COL25A1: variants seen among roughly 807,000 people sequenced by gnomAD.
COL25A1 encodes the protein collagen alpha-1(XXV) chain.
Under a neutral mutation model 128.4 loss-of-function variants are expected in COL25A1, and 103 were observed. The observed-to-expected ratio is 0.80, with a 90% confidence interval of 0.68 to 0.94. The LOEUF (loss-of-function observed/expected upper bound fraction) is 0.94, where lower values mean the gene tolerates loss of function less well. Ranked by LOEUF, COL25A1 falls within the 40% of genes least tolerant of loss-of-function variation. The pLI, the probability that COL25A1 is intolerant of heterozygous loss-of-function variation, is 0.00. For missense variants in COL25A1, 745 were observed against 840.0 expected (o/e 0.89, Z 1.40); for synonymous variants, 279 against 277.2 (o/e 1.01, Z -0.06).
chr4:109,240,719 G>A (rs10015317), intron 3 of COL25A1, among the ~76,000 whole-genome samples: 1 of 151,966 alleles, frequency 6.6e-6, no homozygotes, highest in Non-Finnish European at 1.5e-5. Flanking sequence ...GAGTTCAAAC[G>A]CTGATGCTGT....
chr4:108,968,298 T>C (rs1751544195), intron 8 of COL25A1, among the ~76,000 whole-genome samples: 1 of 152,308 alleles, frequency 6.6e-6, no homozygotes, highest in East Asian at 1.9e-4. Context: ...ATCAACTGTA[T>C]TCAAAGACGG....
intron 5 of COL25A1, among the ~76,000 whole-genome samples, chr4:109,046,502 C>A (rs1430972905): frequency 1.3e-5 from 2 of 152,186 alleles, no homozygotes; most frequent in African/African-American, 2.4e-5. Context: ...TCTACTCCAG[C>A]CGTAACCTCA....
chr4:108,866,922 A>C (rs1738002958), intron 20 of COL25A1, among the ~76,000 whole-genome samples: 1 of 152,216 alleles, frequency 6.6e-6, no homozygotes, highest in Non-Finnish European at 1.5e-5. Flanking sequence ...ATGTTAGTAA[A>C]ATGAATTTCC....
intron 3 of COL25A1, among the ~76,000 whole-genome samples, chr4:109,137,876 G>C (rs2704097): frequency 0.62 from 94,140 of 151,804 alleles, 29,785 homozygotes; most frequent in East Asian, 0.75. Context: ...AAAGAAGAAG[G>C]CATGAAGTTG....
At chr4:109,278,090 A>G (rs1578620803) in intron 3 of COL25A1, among the ~76,000 whole-genome samples, 1 of 151,708 alleles carries the variant, frequency 6.6e-6, no homozygotes, top group Admixed American at 6.6e-5. Context: ...AGCCGAGATC[A>G]CACCACTGCA....
chr4:108,837,075 T>G (rs1733899360), intron 31 of COL25A1, among the ~76,000 whole-genome samples: 2 of 152,136 alleles, frequency 1.3e-5, no homozygotes, highest in Non-Finnish European at 2.9e-5. Context: ...AGAGACTCTG[T>G]CTCAAAAATA....
At chr4:108,842,042 T>G (rs1285510778) in intron 30 of COL25A1, among the ~76,000 whole-genome samples, 1 of 151,940 alleles carries the variant, frequency 6.6e-6, no homozygotes, top group Non-Finnish European at 1.5e-5. Flanking sequence ...AAAGTCTGAG[T>G]GGAATATGTG....
chr4:109,042,436 C>A (rs2125929802), intron 5 of COL25A1, among the ~76,000 whole-genome samples: 1 of 152,102 alleles, frequency 6.6e-6, no homozygotes, highest in South Asian at 2.1e-4. Flanking sequence ...TCTATTAAAA[C>A]TCTACCCCCA....
At chr4:109,035,517 CG>C (rs921595868) in intron 5 of COL25A1, among the ~76,000 whole-genome samples, 2 of 151,862 alleles carry the variant, frequency 1.3e-5, no homozygotes, top group African/African-American at 4.8e-5. Context: ...TAGAAATGAC[CG>C]GGGTACTTTA....
intron 2 of COL25A1, 48 bp downstream of exon 2, chr4:109,301,675 G>A: frequency 6.3e-7 from 1 of 1,576,542 alleles, no homozygotes; most frequent in Non-Finnish European, 8.6e-7. Flanking sequence ...ACAGAGTCAC[G>A]CTTGTACAAG....
Position 108,954,183 on chromosome 4 carries a change from A to G in COL25A1, c.493-12746T>C, listed in dbSNP as rs188966999. Among the ~76,000 whole-genome samples the G allele has an allele frequency of 7.4e-4, 113 of 152,294 alleles. 1 individual carries two copies. Among genetic ancestry groups the G allele is most frequent in the Non-Finnish European group, 1.2e-3 (84 of 67,978 alleles). On this transcript the variant is annotated intron_variant, in intron 8 of 37. Transcript: ENST00000399132. ...GGCTGTTGTAATCTACATGAGAATTATGGTTTCTCTGGGAATGTCAAAACC... is the reference window on the plus strand; with the variant it reads ...GGCTGTTGTAATCTACATGAGAATTGTGGTTTCTCTGGGAATGTCAAAACC...
chr4:108,910,179 T>A (rs936795177), intron 13 of COL25A1, among the ~76,000 whole-genome samples: 2 of 152,248 alleles, frequency 1.3e-5, no homozygotes, highest in Non-Finnish European at 2.9e-5. Flanking sequence ...TCCTAAAGTA[T>A]AGTTCTTAAA....
At chr4:109,102,243 T>C (rs1765963053) in intron 3 of COL25A1, among the ~76,000 whole-genome samples, 1 of 152,102 alleles carries the variant, frequency 6.6e-6, no homozygotes, top group Non-Finnish European at 1.5e-5. Flanking sequence ...GGTAGATAAA[T>C]ATATATTTAA....
At chr4:108,878,049 T>A (rs756979722) in intron 19 of COL25A1, among the ~76,000 whole-genome samples, 31 of 152,286 alleles carry the variant, frequency 2.0e-4, no homozygotes, top group Middle Eastern at 3.4e-3. Flanking sequence ...GCTTCATTCA[T>A]ACAGAAATGA....
At chr4:109,048,864 T>G (rs189584967) in intron 4 of COL25A1, among the ~76,000 whole-genome samples, 1 of 152,262 alleles carries the variant, frequency 6.6e-6, no homozygotes, top group East Asian at 1.9e-4. Context: ...CAAAGATCAT[T>G]TCTATGATTA....
intron 3 of COL25A1, among the ~76,000 whole-genome samples, chr4:109,203,562 A>G (rs1776742506): frequency 6.6e-6 from 1 of 152,136 alleles, no homozygotes. Flanking sequence ...AGAGACCACC[A>G]GTCCAGAGGG....
intron 14 of COL25A1, among the ~76,000 whole-genome samples, chr4:108,900,752 G>A: frequency 6.6e-6 from 1 of 151,232 alleles, no homozygotes; most frequent in Non-Finnish European, 1.5e-5. Context: ...GTCATCTTTA[G>A]TAAGGCATGT....
chr4:109,211,460 C>T (rs1013774754), intron 3 of COL25A1, among the ~76,000 whole-genome samples: 6 of 150,376 alleles, frequency 4.0e-5, no homozygotes, highest in African/African-American at 9.8e-5. Context: ...CTTAATGTTC[C>T]TTAATGTTCC....
intron 27 of COL25A1, among the ~76,000 whole-genome samples, chr4:108,847,419 T>C (rs1416630483): frequency 6.6e-6 from 1 of 152,116 alleles, no homozygotes; most frequent in African/African-American, 2.4e-5. Flanking sequence ...TCTTGTTAAC[T>C]GTTCCTATTT....
Sources: gnomAD v4.1 joint callset for allele counts (sites outside exome capture counted in the v4.1 genomes callset) on GRCh38, gnomAD v4.1.1 for gene constraint, MANE v1.5 for transcripts, NCBI Gene and HGNC (gene_info 2026-07-23, HGNC 2026-07-21) for gene names.